DIS3L2: variants seen among roughly 807,000 people sequenced by gnomAD.
The protein encoded by DIS3L2 is DIS3-like exonuclease 2.
Under a neutral mutation model 97.5 loss-of-function variants are expected in DIS3L2, and 34 were observed. The ratio of observed to expected loss-of-function variants is 0.35; its 90% CI spans 0.27 to 0.46. The LOEUF (loss-of-function observed/expected upper bound fraction) is 0.46, where lower values mean the gene tolerates loss of function less well. Among genes scored for constraint, DIS3L2 ranks in the 20% least tolerant of loss-of-function variants. DIS3L2 has a pLI of 1.00. For missense variants in DIS3L2, 1,038 were observed against 1,146.0 expected, an observed-to-expected ratio of 0.91 and a Z score of 1.36; for synonymous variants, 435 against 445.2, an observed-to-expected ratio of 0.98 and a Z score of 0.29.
At chr2:232,019,529 G>T (rs1222564523) in intron 3 of DIS3L2, among the ~76,000 whole-genome samples, 1 of 151,290 alleles carries the variant, frequency 6.6e-6, no homozygotes, top group African/African-American at 2.4e-5. Flanking sequence ...TCCAGCCTGG[G>T]CAACAGAGTG....
intron 14 of DIS3L2, among the ~76,000 whole-genome samples, chr2:232,316,630 CTTG>C (rs1695283346): frequency 6.6e-6 from 1 of 152,186 alleles, no homozygotes; most frequent in South Asian, 2.1e-4. Flanking sequence ...AGGAGGCACA[CTTG>C]GGTTCCCGGC....
chr2:232,196,742 A>T (rs1691766558), intron 9 of DIS3L2, among the ~76,000 whole-genome samples: 1 of 151,348 alleles, frequency 6.6e-6, no homozygotes, highest in African/African-American at 2.4e-5. Flanking sequence ...AGAAGAACAA[A>T]TGTAGGTAGG....
intron 1 of DIS3L2, among the ~76,000 whole-genome samples, chr2:231,968,857 C>T (rs188310508): frequency 1.3e-5 from 2 of 152,276 alleles, no homozygotes; most frequent in Admixed American, 1.3e-4. Flanking sequence ...AGGTCCCCAC[C>T]CAAATTTCAT....
At chr2:232,314,101 A>C (rs1462445198) in intron 14 of DIS3L2, among the ~76,000 whole-genome samples, 1 of 152,070 alleles carries the variant, frequency 6.6e-6, no homozygotes. Flanking sequence ...TTCCATTGCC[A>C]TGGAAAGGAG....
chr2:232,224,854 A>G (rs1692601006), intron 10 of DIS3L2, among the ~76,000 whole-genome samples: 1 of 151,560 alleles, frequency 6.6e-6, no homozygotes, highest in Non-Finnish European at 1.5e-5. Context: ...AAAAAAAAAA[A>G]GAAAAAAAAT....
At chr2:232,030,454 G>A (rs1694775361) in intron 5 of DIS3L2, among the ~76,000 whole-genome samples, 1 of 152,172 alleles carries the variant, frequency 6.6e-6, no homozygotes, top group Admixed American at 6.5e-5. Context: ...CAGTCCCCAC[G>A]CATTTCTGCT....
At chr2:232,255,794 A>T (rs1023928846) in intron 12 of DIS3L2, among the ~76,000 whole-genome samples, 1 of 152,126 alleles carries the variant, frequency 6.6e-6, no homozygotes, top group Non-Finnish European at 1.5e-5. Flanking sequence ...GGAGTGTACT[A>T]TGGAAGTCGC....
chr2:232,235,391 A>G (rs1025297205), intron 10 of DIS3L2, among the ~76,000 whole-genome samples: 1 of 152,254 alleles, frequency 6.6e-6, no homozygotes, highest in Non-Finnish European at 1.5e-5. Context: ...GAGTTCTGCA[A>G]GTTCACATTA....
At chr2:232,121,847 C>T (rs1187914830) in intron 6 of DIS3L2, among the ~76,000 whole-genome samples, 1 of 152,144 alleles carries the variant, frequency 6.6e-6, no homozygotes, top group African/African-American at 2.4e-5. Flanking sequence ...ATATACCTCC[C>T]CACTTCCCCA....
At chr2:232,072,720 A>G (rs943814237) in intron 5 of DIS3L2, among the ~76,000 whole-genome samples, 41 of 151,982 alleles carry the variant, frequency 2.7e-4, no homozygotes, top group African/African-American at 9.9e-4. Flanking sequence ...GATGATGGAG[A>G]CTAAACCAGG....
chr2:232,210,480 T>G, intron 10 of DIS3L2, 75 bp downstream of exon 10: 1 of 1,369,330 alleles, frequency 7.3e-7, no homozygotes, highest in Non-Finnish European at 1.0e-6. Flanking sequence ...GGCTGCCCTG[T>G]GCTGCCTAGG....
At chr2:232,139,662 G>A (rs982508645) in intron 8 of DIS3L2, among the ~76,000 whole-genome samples, 2 of 152,130 alleles carry the variant, frequency 1.3e-5, no homozygotes, top group Non-Finnish European at 2.9e-5. Context: ...AATAATTTGG[G>A]GGAATTTAGA....
At chr2:232,209,490 G>A (rs1473151744) in intron 9 of DIS3L2, among the ~76,000 whole-genome samples, 1 of 152,186 alleles carries the variant, frequency 6.6e-6, no homozygotes, top group Non-Finnish European at 1.5e-5. Flanking sequence ...TGCTAGTACT[G>A]GATGGAGTGG....
intron 10 of DIS3L2, among the ~76,000 whole-genome samples, chr2:232,213,640 G>A (rs896142634): frequency 7.3e-6 from 1 of 137,190 alleles, no homozygotes; most frequent in African/African-American, 2.6e-5. Flanking sequence ...GTGTTTTCTC[G>A]GTCTATTTAT....
At chr2:232,064,655 A>T (rs1303460105) in intron 5 of DIS3L2, among the ~76,000 whole-genome samples, 1 of 152,160 alleles carries the variant, frequency 6.6e-6, no homozygotes, top group Non-Finnish European at 1.5e-5. Context: ...TCTCACTCCC[A>T]TGAAAAATAT....
At chr2:232,200,445 A>T (rs1354446703) in intron 9 of DIS3L2, among the ~76,000 whole-genome samples, 1 of 152,182 alleles carries the variant, frequency 6.6e-6, no homozygotes, top group East Asian at 1.9e-4. Context: ...AACCTGGGGC[A>T]GGGATTGTAC....
chr2:232,059,577 T>C (rs1163301221), intron 5 of DIS3L2, among the ~76,000 whole-genome samples: 1 of 152,184 alleles, frequency 6.6e-6, no homozygotes, highest in Non-Finnish European at 1.5e-5. Context: ...GTATGACTGA[T>C]CCTGTCACCC....
chr2:232,291,032 G>A (rs988953402), intron 13 of DIS3L2, among the ~76,000 whole-genome samples: 2 of 152,184 alleles, frequency 1.3e-5, no homozygotes, highest in African/African-American at 4.8e-5. Context: ...ATTTTTTCCA[G>A]GTCAGAACCA....
At chr2:232,207,489 C>T (rs1692062131) in intron 9 of DIS3L2, among the ~76,000 whole-genome samples, 1 of 152,230 alleles carries the variant, frequency 6.6e-6, no homozygotes, top group South Asian at 2.1e-4. Context: ...TTCTCTTCTC[C>T]TCTGGCACTC....
Sources: gnomAD v4.1 joint callset for allele counts (sites outside exome capture counted in the v4.1 genomes callset) on GRCh38, gnomAD v4.1.1 for gene constraint, MANE v1.5 for transcripts, NCBI Gene and HGNC (gene_info 2026-07-23, HGNC 2026-07-21) for gene names.